The following HEMK2 variants were observed in gnomAD, a reference collection of about 807,000 sequenced individuals.
HEMK2 encodes HemK methyltransferase 2, ETF1 glutamine and histone H4 lysine.
At chr21:28,682,855 G>T in the HEMK2 span, among the ~76,000 whole-genome samples, 1 of 152,102 alleles carries the variant, frequency 6.6e-6, no homozygotes, top group Non-Finnish European at 1.5e-5. Flanking sequence ...TGAACAATGA[G>T]AACACATGGA....
the HEMK2 span, among the ~76,000 whole-genome samples, chr21:28,842,824 T>C: frequency 6.6e-6 from 1 of 152,148 alleles, no homozygotes; most frequent in Non-Finnish European, 1.5e-5. Flanking sequence ...CCTCTGATTG[T>C]ATACAGAGAA....
the HEMK2 span, among the ~76,000 whole-genome samples, chr21:28,793,669 T>G: frequency 9.2e-5 from 14 of 152,210 alleles, no homozygotes; most frequent in Non-Finnish European, 2.1e-4. Flanking sequence ...GTGACCTTAT[T>G]TGGAAATGGG....
chr21:28,808,326 T>C, the HEMK2 span, among the ~76,000 whole-genome samples: 1 of 152,086 alleles, frequency 6.6e-6, no homozygotes, highest in Non-Finnish European at 1.5e-5. Context: ...TCCAACTTTC[T>C]TCTTCTTTTC....
the HEMK2 span, among the ~76,000 whole-genome samples, chr21:28,606,121 AT>A: frequency 2.0e-5 from 3 of 152,228 alleles, no homozygotes; most frequent in Admixed American, 2.0e-4. Flanking sequence ...AAATTCACAA[AT>A]CAAAGACAAA....
chr21:28,581,393 T>G, the HEMK2 span, among the ~76,000 whole-genome samples: 3 of 152,212 alleles, frequency 2.0e-5, no homozygotes, highest in African/African-American at 7.2e-5. Flanking sequence ...GAGTCTGGAC[T>G]GAGCGTGGTA....
At chr21:28,710,497 C>A in the HEMK2 span, among the ~76,000 whole-genome samples, 1 of 152,140 alleles carries the variant, frequency 6.6e-6, no homozygotes, top group African/African-American at 2.4e-5. Context: ...AGTAAAGATA[C>A]TTTCTCCATA....
chr21:28,588,987 A>AT, the HEMK2 span, among the ~76,000 whole-genome samples: 1 of 151,856 alleles, frequency 6.6e-6, no homozygotes, highest in Non-Finnish European at 1.5e-5. Context: ...TGTCTCAAAA[A>AT]AAAAAAAAAA....
At chr21:28,876,574 A>C in the HEMK2 span, 4 of 775,768 alleles carry the variant, frequency 5.2e-6, no homozygotes, top group South Asian at 4.1e-5. Context: ...AGTTAAACAC[A>C]GATGATTTAT....
chr21:28,683,710 T>C, the HEMK2 span, among the ~76,000 whole-genome samples: 1 of 152,090 alleles, frequency 6.6e-6, no homozygotes, highest in Non-Finnish European at 1.5e-5. Flanking sequence ...TTAGCGATTA[T>C]GAAAAGGTGA....
the HEMK2 span, among the ~76,000 whole-genome samples, chr21:28,710,969 G>A: frequency 4.0e-5 from 6 of 151,632 alleles, no homozygotes; most frequent in African/African-American, 1.2e-4. Flanking sequence ...TTTATAACCC[G>A]TCTTTTCTGC....
At chr21:28,873,310 T>C in the HEMK2 span, 1 of 152,214 alleles carries the variant, frequency 6.6e-6, no homozygotes, top group African/African-American at 2.4e-5. Context: ...TCAATGCATC[T>C]TATGTTACAG....
the HEMK2 span, among the ~76,000 whole-genome samples, chr21:28,763,083 C>A: frequency 0.11 from 16,425 of 152,132 alleles, 1,407 homozygotes; most frequent in East Asian, 0.23. Context: ...CTTCTGCACA[C>A]AAACCTGCTT....
the HEMK2 span, among the ~76,000 whole-genome samples, chr21:28,879,214 A>G: frequency 5.3e-5 from 8 of 150,850 alleles, no homozygotes; most frequent in Non-Finnish European, 8.8e-5. Context: ...CTTCCCAAGT[A>G]TGTAGGACTA....
At chr21:28,713,855 G>A in the HEMK2 span, among the ~76,000 whole-genome samples, 25,123 of 152,126 alleles carry the variant, frequency 0.17, 2,457 homozygotes, top group East Asian at 0.38. Context: ...CTTGCCTCAG[G>A]TATATGGTTC....
the HEMK2 span, among the ~76,000 whole-genome samples, chr21:28,714,531 A>G: frequency 6.6e-6 from 1 of 152,256 alleles, no homozygotes; most frequent in Non-Finnish European, 1.5e-5. Flanking sequence ...ATGAAACCAG[A>G]TAACACTTCA....
the HEMK2 span, among the ~76,000 whole-genome samples, chr21:28,780,341 C>A: frequency 6.6e-6 from 1 of 151,630 alleles, no homozygotes; most frequent in East Asian, 2.0e-4. Context: ...CCATGCCCAG[C>A]TAATTTTTGG....
the HEMK2 span, among the ~76,000 whole-genome samples, chr21:28,733,336 A>T: frequency 6.6e-6 from 1 of 152,196 alleles, no homozygotes; most frequent in Non-Finnish European, 1.5e-5. Context: ...TATTGTTTAC[A>T]TGAATTGTGT....
At chr21:28,870,160 TAAGG>T in the HEMK2 span, among the ~76,000 whole-genome samples, 2 of 152,186 alleles carry the variant, frequency 1.3e-5, no homozygotes, top group Non-Finnish European at 2.9e-5. Context: ...GGAAAACTGA[TAAGG>T]AAGTACAGAG....
At chr21:28,790,508 C>T in the HEMK2 span, among the ~76,000 whole-genome samples, 3 of 152,038 alleles carry the variant, frequency 2.0e-5, no homozygotes, top group Non-Finnish European at 4.4e-5. Context: ...CAACAGTTTC[C>T]ATTCAGCATT....
Sources: gnomAD v4.1 joint callset for allele counts (sites outside exome capture counted in the v4.1 genomes callset) on GRCh38, gnomAD v4.1.1 for gene constraint, MANE v1.5 for transcripts, NCBI Gene and HGNC (gene_info 2026-07-23, HGNC 2026-07-21) for gene names.